The following LEMD1 variants were observed in gnomAD, a reference collection of about 807,000 sequenced individuals.
The protein encoded by LEMD1 is LEM domain containing 1.
LEMD1 carries 18 observed loss-of-function variants against 17.4 expected under a neutral mutation model. The ratio of observed to expected loss-of-function variants is 1.04; its 90% CI spans 0.72 to 1.54. The LOEUF (loss-of-function observed/expected upper bound fraction) is 1.54, where lower values mean the gene tolerates loss of function less well. Ranked by LOEUF, LEMD1 falls within the 40% of genes most tolerant of loss-of-function variation. The probability of loss-of-function intolerance (pLI) is 0.00; values close to 1 mark genes in which losing one functional copy is unlikely to be tolerated. For missense variants in LEMD1, 195 were observed against 210.4 expected (o/e 0.93, Z 0.45); for synonymous variants, 88 against 77.8 (o/e 1.13, Z -0.69).
upstream of LEMD1, among the ~76,000 whole-genome samples, chr1:205,422,721 C>G (rs1011007343): frequency 6.6e-6 from 1 of 152,146 alleles, no homozygotes; most frequent in Non-Finnish European, 1.5e-5. Flanking sequence ...ATTTTAAAGA[C>G]GTGTGCAAGA....
At chr1:205,425,652 A>C (rs1283172413), upstream of LEMD1, among the ~76,000 whole-genome samples, 1 of 152,098 alleles carries the variant, frequency 6.6e-6, no homozygotes, top group Non-Finnish European at 1.5e-5. Context: ...GTAGTGGGGG[A>C]AATGGAAGAG....
At position 205,441,571 on chromosome 1, in the gene LEMD1, G is replaced by C. The variant is rs1666294691; in HGVS notation, c.-39+8297C>G. Among the ~76,000 whole-genome samples, 1 of 152,148 alleles carries C rather than the reference G, an allele frequency of 6.6e-6. No homozygotes were observed. Among genetic ancestry groups the C allele is most frequent in the African/African-American group, 2.4e-5 (1 of 41,434 alleles). ...GCTTTACTTTGACACCTGGGACCGA[G>C]TCAGATTCCTCCCTTCCTTAACAAC... On this transcript the variant is annotated intron_variant, in intron 1 of 3. Transcript: ENST00000367154. This position sits in a 1 kb window ranked among gnomAD's most constrained non-coding sequence, Gnocchi z 4.3.
At position 205,381,683 on chromosome 1, in the gene LEMD1, A is replaced by G. The variant is rs751776371; in HGVS notation, c.521T>C (p.Val174Ala). The G allele has an allele frequency of 2.5e-6, 4 of 1,614,218 alleles. No individual in the cohort carries two copies. The South Asian group carries it at 3.3e-5, about 13-fold the overall frequency. Residue 174 changes from valine to alanine, a missense_variant, in exon 6 of 6, where the codon GTG becomes GCG. Transcript: ENST00000367153. ...FIIVVFVYLT[V>A]ENKSLFG The stretch of plus-strand genomic sequence containing the variant: ...TTAACCAAACAGCGACTTATTTTCC[A>G]CAGTCAGGTAGACAAACACCACAAT...
chr1:205,442,974 CAGG>C (rs1666320644), intron 1 of LEMD1, among the ~76,000 whole-genome samples: 1 of 152,116 alleles, frequency 6.6e-6, no homozygotes, highest in African/African-American at 2.4e-5. Context: ...TTCAGTGTAC[CAGG>C]AGATTAGGCA....
At chr1:205,425,368 G>A (rs1666040976), upstream of LEMD1, among the ~76,000 whole-genome samples, 1 of 152,160 alleles carries the variant, frequency 6.6e-6, no homozygotes, top group South Asian at 2.1e-4. Context: ...GCTGGGCAGG[G>A]GAAGTGGGGA....
chr1:205,399,317 TA>T, intron 4 of LEMD1, among the ~76,000 whole-genome samples: 1 of 152,266 alleles, frequency 6.6e-6, no homozygotes, highest in African/African-American at 2.4e-5. Flanking sequence ...AGTGATTTTA[TA>T]AAAGTGAATG....
chr1:205,440,412 G>T (rs1666272702), intron 1 of LEMD1, among the ~76,000 whole-genome samples: 1 of 152,208 alleles, frequency 6.6e-6, no homozygotes, highest in Non-Finnish European at 1.5e-5. Flanking sequence ...GCTGGAAAAG[G>T]ATTCTTGCCC....
At chr1:205,418,164 G>A (rs933314396) in intron 3 of LEMD1, among the ~76,000 whole-genome samples, 2 of 152,190 alleles carry the variant, frequency 1.3e-5, no homozygotes, top group East Asian at 3.8e-4. Context: ...TGCTGTGAGA[G>A]TTAAATGGGA....
rs1356757246 is a variant in LEMD1, at chr1:205,400,827, C to T, written c.270+15405G>A. On this transcript the variant is annotated intron_variant, in intron 4 of 5. Transcript: ENST00000367153. ...ACTTGTCATTTAGCATTAGGTATAT[C>T]TCCTAATGCTATCCCTCCCCCCCCC... 1.3e-4 allele frequency among the ~76,000 whole-genome samples: 17 copies of T among 129,306 alleles called. No individual in the cohort carries two copies. The East Asian group carries it at 4.8e-3, about 37-fold the overall frequency. The allele number at this position is 129,306 out of a possible 152,430, so 84.8% of individuals were successfully genotyped here. A position where few individuals can be genotyped will look rare whatever the true frequency, so the allele number is the denominator to read the frequency against.
At chr1:205,407,741 A>G (rs774107883) in intron 4 of LEMD1, among the ~76,000 whole-genome samples, 11 of 152,174 alleles carry the variant, frequency 7.2e-5, no homozygotes, top group African/African-American at 7.2e-5. Context: ...AGTTAGAAGT[A>G]TGGGAGACCC....
In LEMD1 at chr1:205,419,237, G is replaced by C. The variant is rs760767068; in HGVS notation, c.198C>G (p.Asp66Glu). ...TACAGCTTATGGCGGTACCTTCGCT[G>C]TCATCACTGTCCTGCGCTCCATCCA... ...RELDGAQDSD[D>E]SEELNIILQG... is the part of the protein sequence containing the mutation. Residue 66 changes from aspartate (D) to glutamate (E), a missense_variant, in exon 3 of 6, where the codon GAC becomes GAG. By Grantham distance (45) the Asp-to-Glu change is conservative. Transcript: ENST00000367153. 3.7e-6 allele frequency: 6 copies of C among 1,614,040 alleles called. No individual in the cohort carries two copies. The highest frequency in any genetic ancestry group is 5.1e-6 in the Non-Finnish European group (6 of 1,179,966).
intron 4 of LEMD1, among the ~76,000 whole-genome samples, chr1:205,411,581 A>C (rs1665438949): frequency 7.3e-6 from 1 of 136,112 alleles, no homozygotes; most frequent in African/African-American, 2.7e-5. Context: ...AAAGAAGGAG[A>C]GAGGAAAGGA....
chr1:205,401,459 A>AT (rs1381758846), intron 4 of LEMD1, among the ~76,000 whole-genome samples: 2 of 103,282 alleles, frequency 1.9e-5, no homozygotes, highest in South Asian at 2.7e-4. Flanking sequence ...GATGATGAGC[A>AT]TTTTTTCATG....
intron 4 of LEMD1, among the ~76,000 whole-genome samples, chr1:205,399,461 C>T (rs1664738777): frequency 6.6e-6 from 1 of 152,064 alleles, no homozygotes; most frequent in South Asian, 2.1e-4. Context: ...TAGCTCTGTC[C>T]ACTGAAAAGG....
chr1:205,388,275 G>A (rs1434427354), intron 4 of LEMD1, among the ~76,000 whole-genome samples: 5 of 151,030 alleles, frequency 3.3e-5, no homozygotes, highest in Admixed American at 2.0e-4. Context: ...TCGGCTCACT[G>A]CAATCGCCGC....
chr1:205,425,474 G>GAGCTCGTGAGCCAGGTCT (rs1252635992), upstream of LEMD1, among the ~76,000 whole-genome samples: 8 of 152,132 alleles, frequency 5.3e-5, no homozygotes, highest in Non-Finnish European at 1.0e-4. Context: ...ATCATCCGCA[G>GAGCTCGTGAGCCAGGTCT]AGCTCGTGAG....
At chr1:205,432,834 C>A (rs1486946881) in intron 1 of LEMD1, among the ~76,000 whole-genome samples, 3 of 152,122 alleles carry the variant, frequency 2.0e-5, no homozygotes, top group Non-Finnish European at 2.9e-5. Flanking sequence ...CATAGTAAGA[C>A]CCTGCCTCTA....
chr1:205,397,432 G>T (rs1032387091), intron 4 of LEMD1, among the ~76,000 whole-genome samples: 3 of 152,114 alleles, frequency 2.0e-5, no homozygotes, highest in African/African-American at 7.2e-5. Flanking sequence ...AACACAGCAA[G>T]ACCTCATCTC....
chr1:205,414,307 G>A (rs922212119), intron 4 of LEMD1, among the ~76,000 whole-genome samples: 1 of 151,976 alleles, frequency 6.6e-6, no homozygotes, highest in Non-Finnish European at 1.5e-5. Context: ...TGGAGGCCGG[G>A]CAAGGTGGCT....
Sources: gnomAD v4.1 joint callset for allele counts (sites outside exome capture counted in the v4.1 genomes callset) on GRCh38, gnomAD v4.1.1 for gene constraint, Gnocchi (gnomAD v3.1) non-coding constraint, MANE v1.5 for transcripts, NCBI Gene and HGNC (gene_info 2026-07-23, HGNC 2026-07-21) for gene names.